Variants in DUSP11 observed in about 807,000 individuals in gnomAD.
DUSP11 encodes RNA/RNP complex-1-interacting phosphatase.
In DUSP11, 27 loss-of-function variants were observed where a neutral mutation model predicts 41.4. The observed-to-expected ratio is 0.65, with a 90% CI of 0.48 to 0.90. The LOEUF is 0.90. Among genes scored for constraint, DUSP11 ranks in the 40% least tolerant of loss-of-function variants. DUSP11 has a pLI of 0.00. For missense variants in DUSP11, 465 were observed against 461.1 expected (o/e 1.01, Z -0.08); for synonymous variants, 188 against 159.3 (o/e 1.18, Z -1.35).
exon 3 of DUSP11, chr2:73,775,033 C>T (rs747578871): frequency 6.8e-6 from 11 of 1,609,628 alleles, no homozygotes; most frequent in South Asian, 3.3e-5. Context: ...GAGCAAGTTT[C>T]TTTTCAAAAC....
At chr2:73,768,102 T>C (rs1431262016) in intron 5 of DUSP11, 1 of 152,230 alleles carries the variant, frequency 6.6e-6, no homozygotes. Flanking sequence ...TTCCTGTTAA[T>C]ATGGTCTCTG....
rs778063146 is a variant in DUSP11, at chr2:73,767,147, A to C, written c.682+14T>G. The C allele has an allele frequency of 1.6e-5, 25 of 1,601,916 alleles. No homozygotes were observed. The highest frequency in any genetic ancestry group is 2.1e-5 in the Non-Finnish European group (25 of 1,171,020). On this transcript the variant is annotated intron_variant, in intron 6 of 8. Coordinates refer to ENST00000272444, the Ensembl canonical transcript of DUSP11. ...TTAATAAAAGGGAAAAATAGTGTCA[A>C]CCCTCATACTTACATTCAATTGCAT... is the stretch of plus-strand genomic sequence containing the variant.
chr2:73,768,152 C>T (rs1672504519), intron 5 of DUSP11: 1 of 152,290 alleles, frequency 6.6e-6, no homozygotes, highest in Non-Finnish European at 1.5e-5. Flanking sequence ...AACATCCCTA[C>T]CTGGTTAACA....
At chr2:73,768,455 T>C in intron 5 of DUSP11, 1 of 985,244 alleles carries the variant, frequency 1.0e-6, no homozygotes, top group Non-Finnish European at 1.2e-6. Context: ...CATAACTCAG[T>C]ACAGTGTGGC....
At chr2:73,762,429 T>C (rs1405472144) in exon 9 of DUSP11, 3 of 323,576 alleles carry the variant, frequency 9.3e-6, no homozygotes, top group Non-Finnish European at 1.7e-5. Flanking sequence ...TTCTAAAATA[T>C]TGTCTTCTTT....
intron 6 of DUSP11, 36 bp downstream of exon 6, chr2:73,767,125 A>G: frequency 6.3e-7 from 1 of 1,576,480 alleles, no homozygotes; most frequent in Non-Finnish European, 8.7e-7. Flanking sequence ...TTTAACTTTA[A>G]TAAAAGGGAA....
chr2:73,778,491 T>C (rs1672726954), intron 1 of DUSP11, 115 bp from the exon 2 acceptor site: 2 of 592,500 alleles, frequency 3.4e-6, no homozygotes, highest in Admixed American at 4.1e-5. Context: ...CTCTCCTCTC[T>C]GCTTTGCATT....
chr2:73,766,026 T>C (rs1672452386), intron 8 of DUSP11, among the ~76,000 whole-genome samples: 1 of 152,180 alleles, frequency 6.6e-6, no homozygotes, highest in Admixed American at 6.5e-5. Context: ...GAATTCCTTA[T>C]CGGCCAGGCG....
chr2:73,767,352 A>T (rs1019942389), intron 5 of DUSP11, 145 bp from the exon 6 acceptor site: 1 of 654,916 alleles, frequency 1.5e-6, no homozygotes, highest in Admixed American at 3.0e-5. Flanking sequence ...GTTATTAAAG[A>T]ATGACATACC....
At chr2:73,763,688 A>G (rs998774231) in intron 8 of DUSP11, among the ~76,000 whole-genome samples, 2 of 151,954 alleles carry the variant, frequency 1.3e-5, no homozygotes, top group Non-Finnish European at 2.9e-5. Context: ...ACACCATTAC[A>G]CTCCAGCCCG....
exon 1 of DUSP11, chr2:73,779,911 A>T (rs749104450): frequency 6.2e-7 from 1 of 1,614,082 alleles, no homozygotes; most frequent in Admixed American, 1.7e-5. Context: ...TTCTTGGCTG[A>T]GGAGCGTCCT....
At chr2:73,766,471 G>C in exon 8 of DUSP11, 1 of 1,614,058 alleles carries the variant, frequency 6.2e-7, no homozygotes, top group African/African-American at 1.3e-5. Context: ...GAGGAGCTGA[G>C]TGACCCTGGA....
exon 1 of DUSP11, chr2:73,779,886 T>C (rs1271732431): frequency 1.2e-6 from 2 of 1,614,066 alleles, no homozygotes; most frequent in Non-Finnish European, 1.7e-6. Flanking sequence ...TTCGGGGATG[T>C]GGTTTCCGCC....
chr2:73,779,742 A>G, intron 1 of DUSP11, 132 bp downstream of exon 1: 1 of 1,412,682 alleles, frequency 7.1e-7, no homozygotes, highest in African/African-American at 1.4e-5. Flanking sequence ...CAGAGGGTCA[A>G]AGCCTCAAAG....
At chr2:73,769,171 T>G (rs1672526835) in intron 5 of DUSP11, 94 bp downstream of exon 5, 2 of 1,065,726 alleles carry the variant, frequency 1.9e-6, no homozygotes, top group South Asian at 2.8e-5. Context: ...CTTCATGTAT[T>G]TCTATACCAG....
intron 1 of DUSP11, among the ~76,000 whole-genome samples, chr2:73,779,047 C>G (rs539495065): frequency 6.6e-6 from 1 of 151,862 alleles, no homozygotes; most frequent in East Asian, 1.9e-4. Flanking sequence ...GCAACTTGGG[C>G]GGCTGAGGGA....
chr2:73,775,371 T>A (rs1406193546), intron 2 of DUSP11, among the ~76,000 whole-genome samples: 1 of 134,054 alleles, frequency 7.5e-6, no homozygotes, highest in Non-Finnish European at 1.6e-5. Context: ...ATTTCTTTTC[T>A]TTTTTTTTTT....
intron 8 of DUSP11, among the ~76,000 whole-genome samples, chr2:73,765,473 C>G (rs748036604): frequency 3.9e-5 from 6 of 152,184 alleles, no homozygotes; most frequent in Admixed American, 2.6e-4. Context: ...AGTTTGCAGA[C>G]AGCCTACTAT....
intron 8 of DUSP11, 128 bp from the exon 9 acceptor site, chr2:73,762,987 T>C (rs1051421269): frequency 7.0e-5 from 24 of 345,246 alleles, no homozygotes; most frequent in Non-Finnish European, 9.3e-5. Context: ...TATTCTACTG[T>C]TTCCTACCTG....
Sources: gnomAD v4.1 joint callset for allele counts (sites outside exome capture counted in the v4.1 genomes callset) on GRCh38, gnomAD v4.1.1 for gene constraint, MANE v1.5 for transcripts, NCBI Gene and HGNC (gene_info 2026-07-23, HGNC 2026-07-21) for gene names.